Variants in PCNT observed in about 807,000 individuals in gnomAD.
PCNT encodes the protein pericentrin, also known as kendrin.
A neutral mutation model predicts 380.4 loss-of-function variants in PCNT; 319 were observed. The ratio of observed to expected loss-of-function variants is 0.84; its 90% CI spans 0.77 to 0.92. The LOEUF is 0.92. Among genes scored for constraint, PCNT ranks in the 40% least tolerant of loss-of-function variants. PCNT has a pLI of 0.00. For synonymous variants in PCNT, 1,845 were observed against 1,735.2 expected (o/e 1.06, Z -1.57); for missense variants, 4,400 against 4,255.3 (o/e 1.03, Z -0.95).
intron 27 of PCNT, among the ~76,000 whole-genome samples, chr21:46,410,361 G>C (rs2086747888): frequency 6.6e-6 from 1 of 152,188 alleles, no homozygotes. Flanking sequence ...AGAGAAACCT[G>C]GAGTTGTTAT....
intron 13 of PCNT, among the ~76,000 whole-genome samples, chr21:46,360,756 G>A (rs916320380): frequency 6.6e-6 from 1 of 151,542 alleles, no homozygotes; most frequent in Non-Finnish European, 1.5e-5. Flanking sequence ...CTGACTTCCC[G>A]ATCCGCCCAC....
chr21:46,334,120 G>A (rs1014507625), intron 2 of PCNT, among the ~76,000 whole-genome samples: 8 of 151,454 alleles, frequency 5.3e-5, no homozygotes, highest in African/African-American at 1.9e-4. Flanking sequence ...CAGGGGAATG[G>A]CGTGAACCCA....
chr21:46,333,458 T>C (rs1199555139), intron 2 of PCNT, among the ~76,000 whole-genome samples: 1 of 151,328 alleles, frequency 6.6e-6, no homozygotes, highest in Non-Finnish European at 1.5e-5. Flanking sequence ...AAAAAAAAAA[T>C]TAGCCGGGCG....
chr21:46,408,780 C>T (rs146162892), intron 27 of PCNT, among the ~76,000 whole-genome samples: 3,223 of 145,458 alleles, frequency 0.022, 53 homozygotes, highest in Middle Eastern at 0.05. Flanking sequence ...TGCAGTGCAG[C>T]GGGAACGTGT....
At chr21:46,331,989 A>G (rs979375161) in intron 2 of PCNT, among the ~76,000 whole-genome samples, 3 of 152,096 alleles carry the variant, frequency 2.0e-5, no homozygotes, top group Admixed American at 6.6e-5. Context: ...GTGAAACCCC[A>G]TCTCTACTAA....
chr21:46,346,802 G>A lies in PCNT; in HGVS notation c.780G>A (p.Ala260=), dbSNP rs759573809. ...TGAGTCTGAGCAACATGCACACGGC[G>A]CAGCTGGAGCTGACACAGGCCAACC... ...LRLSLSNMHT[A]QLELTQANLQ... Residue 260 remains alanine, a synonymous_variant, in exon 5 of 47, where the codon GCG becomes GCA. Transcript: ENST00000359568. 1.1e-5 allele frequency: 18 copies of A among 1,600,638 alleles called. No individual in the cohort carries two copies. The African/African-American group carries it at 2.0e-4, about 18-fold the overall frequency.
At chr21:46,442,639 C>G (rs1449517572) in intron 44 of PCNT, 66 bp downstream of exon 44, 3 of 1,012,102 alleles carry the variant, frequency 3.0e-6, no homozygotes, top group Non-Finnish European at 4.7e-6. Flanking sequence ...GTTTTTCATT[C>G]ACTTTGGGTC....
chr21:46,341,304 C>T (rs2146466700), intron 3 of PCNT, among the ~76,000 whole-genome samples: 1 of 152,022 alleles, frequency 6.6e-6, no homozygotes, highest in African/African-American at 2.4e-5. Context: ...TTCTGTTTTC[C>T]ATATGTCCGT....
At chr21:46,333,980 G>A (rs2083643099) in intron 2 of PCNT, among the ~76,000 whole-genome samples, 1 of 152,198 alleles carries the variant, frequency 6.6e-6, no homozygotes, top group Non-Finnish European at 1.5e-5. Flanking sequence ...GCCAAGGCGG[G>A]CGGATCACGA....
Position 46,385,963 on chromosome 21 carries a change from C to A in PCNT, c.3444C>A (p.Val1148=). The A allele has an allele frequency of 6.2e-7, 1 of 1,614,180 alleles. No individual in the cohort carries two copies. Among genetic ancestry groups the A allele is most frequent in the Non-Finnish European group, 8.5e-7 (1 of 1,180,026 alleles). ...TCCTCTCCATGCTCAAGGCCGACGT[C>A]AACCTGTCCCACAGCGAAAGGTCAG... ...ANLLSMLKAD[V]NLSHSERGAL... The change falls in exon 17 of 47, where the codon GTC becomes GTA. Residue 1148 remains valine, a synonymous_variant. Transcript: ENST00000359568.
Position 46,342,818 on chromosome 21 carries a change from C to T in PCNT, c.640-3310C>T, listed in dbSNP as rs540972152. On this transcript the variant is annotated intron_variant, in intron 3 of 46. Coordinates refer to ENST00000359568, the MANE Select transcript of PCNT (RefSeq NM_006031.6). ...TGCTGGGATTGCAGGTGTGAGCCACCGTGCGCAGCCAGCGATTTCTTTCAG... is the reference window on the plus strand; with the variant it reads ...TGCTGGGATTGCAGGTGTGAGCCACTGTGCGCAGCCAGCGATTTCTTTCAG... Among the ~76,000 whole-genome samples, 6 of 152,282 alleles carry T rather than the reference C, an allele frequency of 3.9e-5. 1 individual carries two copies. In the South Asian group the frequency reaches 6.2e-4, roughly 16 times the overall value.
At chr21:46,400,016 A>G (rs2086368251) in intron 25 of PCNT, among the ~76,000 whole-genome samples, 1 of 152,236 alleles carries the variant, frequency 6.6e-6, no homozygotes, top group South Asian at 2.1e-4. Flanking sequence ...TTACTGTAGT[A>G]GGATTTATAC....
intron 17 of PCNT, 151 bp downstream of exon 17, chr21:46,386,134 T>C (rs1035408496): frequency 5.6e-6 from 5 of 897,468 alleles, no homozygotes; most frequent in Non-Finnish European, 7.0e-6. Flanking sequence ...TTCCTTCTTC[T>C]CTCAGTTAGA....
rs1364962951 is a variant in PCNT at position 46,373,531 on chromosome 21, A to G, written c.3165+6392A>G. 5.6e-5 allele frequency among the ~76,000 whole-genome samples: 8 copies of G among 144,028 alleles called. No homozygotes were observed. In the East Asian group the frequency reaches 6.1e-4, roughly 11 times the overall value. 94.5% of individuals were successfully genotyped at this position (144,028 alleles called of 152,430 possible). A position where few individuals can be genotyped will look rare whatever the true frequency, so the allele number is the denominator to read the frequency against. On this transcript the variant is annotated intron_variant, in intron 15 of 46. Transcript: ENST00000359568. ...ACTGCAACCTCTGCCTCCCTGGTTC[A>G]AGGGATTCTCCTGCCTCAGCCTCCC...
rs963559481 is a variant in PCNT, at chr21:46,402,263, CTTAATTA to C, written c.4963-62_4963-56del. On this transcript the variant is annotated intron_variant, in intron 26 of 46. Coordinates refer to ENST00000359568, the MANE Select transcript of PCNT (RefSeq NM_006031.6). ...TATCTCAAAGCTATTTTAATAATGTCTTAATTATTAATATTAATAGAATATTAGATGA... is the reference window on the plus strand; with the variant it reads ...TATCTCAAAGCTATTTTAATAATGTCTTAATATTAATAGAATATTAGATGA... 1.6e-4 allele frequency: 165 copies of C among 1,057,972 alleles called. 2 individuals carry two copies. Among genetic ancestry groups the C allele is most frequent in the Middle Eastern group, 3.1e-4 (1 of 3,258 alleles). 65.5% of individuals were successfully genotyped at this position (1,057,972 alleles called of 1,614,324 possible).
At chr21:46,441,375 TAA>T (rs2053602443) in intron 43 of PCNT, among the ~76,000 whole-genome samples, 1 of 152,222 alleles carries the variant, frequency 6.6e-6, no homozygotes, top group Non-Finnish European at 1.5e-5. Context: ...GCTGAATTTC[TAA>T]AACTGTTTTT....
intron 28 of PCNT, among the ~76,000 whole-genome samples, chr21:46,412,319 A>G (rs76540068): frequency 1.3e-5 from 2 of 152,278 alleles, no homozygotes; most frequent in East Asian, 3.9e-4. Context: ...TTTAAAAACA[A>G]TTCTTTCTTT....
At chr21:46,442,196 G>A (rs562006285) in intron 43 of PCNT, among the ~76,000 whole-genome samples, 5 of 152,230 alleles carry the variant, frequency 3.3e-5, no homozygotes, top group Non-Finnish European at 5.9e-5. Flanking sequence ...AACTGGAGTC[G>A]TCCTGAGCTG....
chr21:46,334,306 A>G, intron 2 of PCNT, 91 bp from the exon 3 acceptor site: 2 of 1,579,060 alleles, frequency 1.3e-6, no homozygotes, highest in South Asian at 1.1e-5. Flanking sequence ...TGAAGTCAGC[A>G]CAGGCCTGCA....
Sources: allele counts gnomAD v4.1 joint callset (sites outside exome capture counted in the v4.1 genomes callset), GRCh38; gene constraint gnomAD v4.1.1; transcripts MANE v1.5; gene names NCBI Gene and HGNC (gene_info 2026-07-23, HGNC 2026-07-21).